Variants in VGLL3 observed in about 807,000 individuals in gnomAD.
VGLL3 encodes the protein transcription cofactor vestigial-like protein 3.
VGLL3 carries 18 observed loss-of-function variants against 29.2 expected under a neutral mutation model. The ratio of observed to expected loss-of-function variants is 0.62; its 90% CI spans 0.43 to 0.91. The LOEUF (loss-of-function observed/expected upper bound fraction) is 0.91, where lower values mean the gene tolerates loss of function less well. Among genes scored for constraint, VGLL3 ranks in the 40% least tolerant of loss-of-function variants. The pLI is 0.00. For synonymous variants in VGLL3, 180 were observed against 151.8 expected, an observed-to-expected ratio of 1.19 and a Z score of -1.36; for missense variants, 440 against 413.2, an observed-to-expected ratio of 1.06 and a Z score of -0.56.
chr3:86,953,618 T>C (rs1320891410), intron 3 of VGLL3, among the ~76,000 whole-genome samples: 3 of 152,200 alleles, frequency 2.0e-5, no homozygotes, highest in Admixed American at 2.0e-4. Flanking sequence ...ATGATCAATA[T>C]TATAGATTAA....
intron 3 of VGLL3, among the ~76,000 whole-genome samples, chr3:86,954,081 G>A (rs1704668219): frequency 6.6e-6 from 1 of 152,116 alleles, no homozygotes; most frequent in South Asian, 2.1e-4. Context: ...GTTTATAGAG[G>A]TATTTTCTCC....
rs1188440232 is a variant in VGLL3, at chr3:86,968,772, C to T, written c.755G>A (p.Gly252Asp). 2 of 1,613,886 alleles carry T rather than the reference C, an allele frequency of 1.2e-6. No homozygotes were observed. The highest frequency in any genetic ancestry group is 2.7e-5 in the African/African-American group (2 of 74,872). Residue 252 changes from glycine to aspartate, a missense_variant, in exon 3 of 4, where the codon GGC becomes GAC. By Grantham distance (94) the Gly-to-Asp change is moderately conservative. Transcript: ENST00000398399. ...HHHHHHHPPAGSALDPSYGPL... is the reference protein window; with the variant it reads ...HHHHHHHPPADSALDPSYGPL... Reference sequence around the variant, plus strand: ...CCCATAGGATGGATCCAGGGCAGAGCCAGCAGGAGGGTGGTGATGGTGATG... The same window carrying T: ...CCCATAGGATGGATCCAGGGCAGAGTCAGCAGGAGGGTGGTGATGGTGATG...
intron 3 of VGLL3, chr3:86,961,979 AG>A (rs1287560910): frequency 1.0e-6 from 1 of 982,390 alleles, no homozygotes; most frequent in African/African-American, 1.7e-5. Context: ...GATCTCTAAG[AG>A]GTATATGGTA....
intron 1 of VGLL3, among the ~76,000 whole-genome samples, chr3:86,989,840 C>G (rs1705542402): frequency 6.6e-6 from 1 of 152,114 alleles, no homozygotes; most frequent in African/African-American, 2.4e-5. Context: ...GCCAAATTCC[C>G]CAGAACTCTA....
Position 86,938,997 on chromosome 3 carries a change from G to A in VGLL3, c.*8027C>T, listed in dbSNP as rs1373169236. On this transcript the variant is annotated 3_prime_UTR_variant, in exon 4 of 4. Coordinates refer to ENST00000398399, the MANE Select transcript of VGLL3 (RefSeq NM_016206.4). ...AGGAAGAATCTGCACTAGATGACCT[G>A]TTCTCCACCCCCTAGACTGCTCATC... 3 of 152,164 alleles carry A rather than the reference G, an allele frequency of 2.0e-5. No homozygotes were observed. The highest frequency in any genetic ancestry group is 7.2e-5 in the African/African-American group (3 of 41,434). 9.4% of individuals were successfully genotyped at this position (152,164 alleles called of 1,614,324 possible). A position where few individuals can be genotyped will look rare whatever the true frequency, so the allele number is the denominator to read the frequency against.
chr3:86,956,638 T>C (rs1704728564), intron 3 of VGLL3, among the ~76,000 whole-genome samples: 1 of 151,720 alleles, frequency 6.6e-6, no homozygotes, highest in South Asian at 2.1e-4. Context: ...TACAAAAAAT[T>C]AGCCGGGCAT....
chr3:86,943,673 T>A lies in VGLL3; in HGVS notation c.*3351A>T, dbSNP rs1575855607. 1 of 152,144 alleles carries A rather than the reference T, an allele frequency of 6.6e-6. No individual in the cohort carries two copies. Among genetic ancestry groups the A allele is most frequent in the African/African-American group, 2.4e-5 (1 of 41,434 alleles). 9.4% of individuals were successfully genotyped at this position (152,144 alleles called of 1,614,324 possible). The stretch of plus-strand genomic sequence containing the variant: ...AAGGAGAGCAAATAGAGGGGAAAGT[T>A]AAGAGAGGGTGCTTAACTTTCTTAA... On this transcript the variant is annotated 3_prime_UTR_variant, in exon 4 of 4. Coordinates refer to ENST00000398399, the MANE Select transcript of VGLL3 (RefSeq NM_016206.4).
rs1275464965 is a variant in VGLL3 at position 86,945,312 on chromosome 3, G to A, written c.*1712C>T. On this transcript the variant is annotated 3_prime_UTR_variant, in exon 4 of 4. Transcript: ENST00000398399. ...TTTGAAAATTATCTATGAGAACTCT[G>A]CCTAGCTGAACATGTCATGTTCATG... 1 of 152,124 alleles carries A rather than the reference G, an allele frequency of 6.6e-6. No individual in the cohort carries two copies. Among genetic ancestry groups the A allele is most frequent in the African/African-American group, 2.4e-5 (1 of 41,436 alleles). 9.4% of individuals were successfully genotyped at this position (152,124 alleles called of 1,614,324 possible). A position where few individuals can be genotyped will look rare whatever the true frequency, so the allele number is the denominator to read the frequency against.
chr3:86,981,627 A>G (rs1041319892), intron 1 of VGLL3, among the ~76,000 whole-genome samples: 1 of 152,028 alleles, frequency 6.6e-6, no homozygotes, highest in African/African-American at 2.4e-5. Context: ...TAATGATTAT[A>G]TACTTTCTTT....
intron 2 of VGLL3, among the ~76,000 whole-genome samples, chr3:86,975,611 TG>T (rs1398667536): frequency 6.6e-6 from 1 of 152,198 alleles, no homozygotes; most frequent in Non-Finnish European, 1.5e-5. Flanking sequence ...GGTATGAAAT[TG>T]GTTCATTTAA....
rs1266890106 is a variant in VGLL3 at position 86,940,928 on chromosome 3, T to C, written c.*6096A>G. 6.6e-6 allele frequency: 1 copy of C among 152,436 alleles called. No homozygotes were observed. Among genetic ancestry groups the C allele is most frequent in the Non-Finnish European group, 1.5e-5 (1 of 67,912 alleles). The allele number at this position is 152,436 out of a possible 1,614,324, so 9.4% of individuals were successfully genotyped here. On this transcript the variant is annotated 3_prime_UTR_variant, in exon 4 of 4. Transcript: ENST00000398399. ...AAACACAAAATTAAGGTAGCACAAC[T>C]TCTTGTAGAACTAACAAGTCTGAAA...
chr3:86,978,932 T>G (rs1413956589), intron 1 of VGLL3, 130 bp from the exon 2 acceptor site: 9 of 1,047,662 alleles, frequency 8.6e-6, no homozygotes, highest in African/African-American at 1.6e-5. Context: ...CTTCTTCATC[T>G]GTTTTACTCC....
intron 2 of VGLL3, among the ~76,000 whole-genome samples, chr3:86,970,630 G>A (rs2107025125): frequency 6.6e-6 from 1 of 152,140 alleles, no homozygotes; most frequent in South Asian, 2.1e-4. Flanking sequence ...AGACTTGCTG[G>A]CCATGGTACT....
chr3:86,990,336 G>A, intron 1 of VGLL3: 1 of 985,394 alleles, frequency 1.0e-6, no homozygotes. Context: ...GAGCTTCAGA[G>A]AACTGAGTCC....
intron 3 of VGLL3, among the ~76,000 whole-genome samples, chr3:86,956,819 A>G (rs1454824953): frequency 1.3e-5 from 2 of 151,576 alleles, no homozygotes; most frequent in African/African-American, 4.8e-5. Context: ...AAAAAGAAAG[A>G]AAATACTTAA....
chr3:86,954,133 T>C (rs1282670424), intron 3 of VGLL3, among the ~76,000 whole-genome samples: 4 of 152,226 alleles, frequency 2.6e-5, no homozygotes, highest in African/African-American at 9.6e-5. Context: ...CGTAGTAGTA[T>C]TGTCAGAAAC....
intron 3 of VGLL3, among the ~76,000 whole-genome samples, chr3:86,952,191 C>T (rs1174746411): frequency 1.3e-5 from 2 of 152,136 alleles, no homozygotes; most frequent in African/African-American, 4.8e-5. Context: ...TTGTTTTAAA[C>T]TGAGAATAAC....
Position 86,945,140 on chromosome 3 carries a change from G to A in VGLL3, c.*1884C>T, listed in dbSNP as rs917275732. The A allele has an allele frequency of 6.6e-6, 1 of 152,084 alleles. No homozygotes were observed. The highest frequency in any genetic ancestry group is 1.9e-4 in the East Asian group (1 of 5,194). 9.4% of individuals were successfully genotyped at this position (152,084 alleles called of 1,614,324 possible). On this transcript the variant is annotated 3_prime_UTR_variant, in exon 4 of 4. Coordinates refer to ENST00000398399, the MANE Select transcript of VGLL3 (RefSeq NM_016206.4). ...GTATCTTAAATTTGGACCCCACAATGGTAAAAATGTGCATATTGTGTAAAA... is the reference window on the plus strand; with the variant it reads ...GTATCTTAAATTTGGACCCCACAATAGTAAAAATGTGCATATTGTGTAAAA...
intron 1 of VGLL3, chr3:86,990,303 G>C: frequency 1.0e-6 from 1 of 985,212 alleles, no homozygotes; most frequent in Non-Finnish European, 1.2e-6. Context: ...TACTCACATG[G>C]TCCTAAGATA....
Sources: allele counts gnomAD v4.1 joint callset (sites outside exome capture counted in the v4.1 genomes callset), GRCh38; gene constraint gnomAD v4.1.1; transcripts MANE v1.5; gene names NCBI Gene and HGNC (gene_info 2026-07-23, HGNC 2026-07-21).